Variants in CNTNAP2 observed in about 807,000 individuals in gnomAD.
CNTNAP2 encodes the protein contactin associated protein 2, also known as contactin-associated protein-like 2.
In CNTNAP2, 98 loss-of-function variants were observed where a neutral mutation model predicts 155.2. The observed-to-expected ratio is 0.63, with a 90% CI of 0.54 to 0.75. CNTNAP2 has a LOEUF of 0.75. Among genes scored for constraint, CNTNAP2 ranks in the 30% least tolerant of loss-of-function variants. The pLI is 0.00. For missense variants in CNTNAP2, 1,727 were observed against 1,688.1 expected (o/e 1.02, Z -0.40); for synonymous variants, 651 against 631.2 (o/e 1.03, Z -0.47).
chr7:147,324,457 T>C (rs1222314213), intron 9 of CNTNAP2, among the ~76,000 whole-genome samples: 2 of 152,206 alleles, frequency 1.3e-5, no homozygotes, highest in Non-Finnish European at 2.9e-5. Flanking sequence ...TGTAATCCAT[T>C]CAGCCTTATG....
At chr7:146,608,461 T>C (rs893935930) in intron 1 of CNTNAP2, among the ~76,000 whole-genome samples, 1 of 152,122 alleles carries the variant, frequency 6.6e-6, no homozygotes, top group African/African-American at 2.4e-5. Flanking sequence ...GGAAGTGAAA[T>C]TTTTTATTCA....
At chr7:147,940,981 A>T (rs1353702095) in intron 14 of CNTNAP2, among the ~76,000 whole-genome samples, 1 of 152,252 alleles carries the variant, frequency 6.6e-6, no homozygotes, top group Admixed American at 6.5e-5. Context: ...CTGTTGTCAA[A>T]GAGTAATTTA....
At chr7:146,125,819 TA>T (rs2116726986) in intron 1 of CNTNAP2, among the ~76,000 whole-genome samples, 1 of 152,268 alleles carries the variant, frequency 6.6e-6, no homozygotes, top group African/African-American at 2.4e-5. Context: ...TTTTGGCTAA[TA>T]AATGTTGCCT....
At chr7:146,475,203 A>G (rs1796860405) in intron 1 of CNTNAP2, among the ~76,000 whole-genome samples, 1 of 152,156 alleles carries the variant, frequency 6.6e-6, no homozygotes, top group Non-Finnish European at 1.5e-5. Context: ...TATATTGGGT[A>G]TGTTTTCTAG....
At chr7:146,422,130 G>GT (rs538284671) in intron 1 of CNTNAP2, among the ~76,000 whole-genome samples, 324 of 149,148 alleles carry the variant, frequency 2.2e-3, no homozygotes, top group African/African-American at 7.3e-3. Context: ...GGATACAAAT[G>GT]TTTTTTTTTA....
At chr7:147,821,344 A>T (rs982732070) in intron 13 of CNTNAP2, among the ~76,000 whole-genome samples, 1 of 152,284 alleles carries the variant, frequency 6.6e-6, no homozygotes, top group Non-Finnish European at 1.5e-5. Context: ...GAAATTTTTA[A>T]TATCTGTTTT....
At chr7:146,859,305 A>G (rs1440253371) in intron 3 of CNTNAP2, among the ~76,000 whole-genome samples, 1 of 152,354 alleles carries the variant, frequency 6.6e-6, no homozygotes, top group East Asian at 1.9e-4. Context: ...ATTATGCATT[A>G]GCCCCTATAG....
intron 13 of CNTNAP2, among the ~76,000 whole-genome samples, chr7:147,863,158 C>T (rs1799165957): frequency 6.6e-6 from 1 of 152,112 alleles, no homozygotes; most frequent in Non-Finnish European, 1.5e-5. Context: ...TCATTTCCCA[C>T]CTATAAGTGA....
At chr7:147,886,437 T>G (rs1799599157) in intron 13 of CNTNAP2, among the ~76,000 whole-genome samples, 1 of 123,310 alleles carries the variant, frequency 8.1e-6, no homozygotes, top group Admixed American at 1.1e-4. Context: ...ATCATGCCAC[T>G]GCACTGAAGC....
chr7:148,042,157 G>T (rs61428821), intron 15 of CNTNAP2, among the ~76,000 whole-genome samples: 2,228 of 152,150 alleles, frequency 0.015, 73 homozygotes, highest in African/African-American at 0.05. Context: ...CCAAATTGAC[G>T]ATCTTAACCA....
chr7:147,832,431 C>T (rs1798565076), intron 13 of CNTNAP2, among the ~76,000 whole-genome samples: 1 of 146,286 alleles, frequency 6.8e-6, no homozygotes, highest in Non-Finnish European at 1.5e-5. Context: ...AAACGTGATT[C>T]AAAGAGTCAA....
At chr7:146,350,780 A>C (rs996960916) in intron 1 of CNTNAP2, among the ~76,000 whole-genome samples, 13 of 151,920 alleles carry the variant, frequency 8.6e-5, no homozygotes, top group Non-Finnish European at 1.5e-4. Context: ...GAACCAACCC[A>C]AATGTCCAAC....
At chr7:147,020,882 G>A (rs1211418926) in intron 3 of CNTNAP2, among the ~76,000 whole-genome samples, 1 of 152,106 alleles carries the variant, frequency 6.6e-6, no homozygotes, top group Non-Finnish European at 1.5e-5. Flanking sequence ...CTAAGGTTGG[G>A]CAACAAAGAA....
intron 9 of CNTNAP2, among the ~76,000 whole-genome samples, chr7:147,388,627 C>A (rs763943211): frequency 2.0e-4 from 31 of 151,918 alleles, no homozygotes; most frequent in Non-Finnish European, 3.2e-4. Context: ...GTAACCCAGG[C>A]TGGAGTGCAA....
chr7:147,673,216 G>T (rs781476615), intron 13 of CNTNAP2: 1 of 152,102 alleles, frequency 6.6e-6, no homozygotes, highest in Non-Finnish European at 1.5e-5. Flanking sequence ...GAGCCAACTG[G>T]CTCCTCTGCC....
chr7:147,557,797 T>C (rs375861573), intron 11 of CNTNAP2, among the ~76,000 whole-genome samples: 1 of 152,240 alleles, frequency 6.6e-6, no homozygotes, highest in African/African-American at 2.4e-5. Context: ...GTATTACTAT[T>C]AGGTTGCTAC....
At chr7:146,155,685 C>CATT (rs58328058) in intron 1 of CNTNAP2, among the ~76,000 whole-genome samples, 18,029 of 146,684 alleles carry the variant, frequency 0.12, 1,343 homozygotes, top group Non-Finnish European at 0.17. Context: ...AAAACAATAT[C>CATT]ATTATTATTA....
intron 21 of CNTNAP2, among the ~76,000 whole-genome samples, chr7:148,300,211 G>GC (rs1388682473): frequency 6.6e-6 from 1 of 152,184 alleles, no homozygotes; most frequent in Non-Finnish European, 1.5e-5. Flanking sequence ...ATTCTTAAAA[G>GC]CCTTATGGTT....
intron 12 of CNTNAP2, among the ~76,000 whole-genome samples, chr7:147,617,147 C>T (rs1177098431): frequency 6.6e-6 from 1 of 152,118 alleles, no homozygotes; most frequent in Non-Finnish European, 1.5e-5. Context: ...CCTTCTCCTT[C>T]TTCATGCGAC....
Sources: gnomAD v4.1 joint callset for allele counts (sites outside exome capture counted in the v4.1 genomes callset) on GRCh38, gnomAD v4.1.1 for gene constraint, MANE v1.5 for transcripts, NCBI Gene and HGNC (gene_info 2026-07-23, HGNC 2026-07-21) for gene names.